EIF4G3: variants seen among roughly 807,000 people sequenced by gnomAD.
EIF4G3 encodes eukaryotic translation initiation factor 4 gamma 3, also known as eIF-4-gamma 3.
In EIF4G3, 34 loss-of-function variants were observed where a neutral mutation model predicts 186.4. The ratio of observed to expected loss-of-function variants is 0.18; its 90% confidence interval spans 0.14 to 0.24. The LOEUF is 0.24. Ranked by LOEUF, EIF4G3 falls within the 10% of genes least tolerant of loss-of-function variation. The pLI is 1.00. For missense variants in EIF4G3, 1,536 were observed against 1,948.5 expected (o/e 0.79, Z 3.99); for synonymous variants, 673 against 679.5 (o/e 0.99, Z 0.15).
intron 7 of EIF4G3, among the ~76,000 whole-genome samples, chr1:20,984,162 A>T (rs2078897077): frequency 6.6e-6 from 1 of 151,540 alleles, no homozygotes; most frequent in Admixed American, 6.6e-5. Context: ...TGATATACTA[A>T]TTTTTTTTTC....
chr1:20,917,863 G>A lies in EIF4G3; in HGVS notation c.1664-12892C>T, dbSNP rs891254189. ...ATCTATTACACAACTATCAAAATAC[G>A]ATAATGTATGTTTACTGACATAAAA... is the stretch of plus-strand genomic sequence containing the variant. On this transcript the variant is annotated intron_variant, in intron 14 of 36. Coordinates refer to ENST00000602326, the MANE Select transcript of EIF4G3 (RefSeq NM_001391906.1). 4.6e-5 allele frequency among the ~76,000 whole-genome samples: 7 copies of A among 151,968 alleles called. No homozygotes were observed. In the South Asian group the frequency reaches 6.2e-4, roughly 14 times the overall value.
At chr1:21,098,575 A>G in intron 2 of EIF4G3, among the ~76,000 whole-genome samples, 1 of 151,258 alleles carries the variant, frequency 6.6e-6, no homozygotes, top group African/African-American at 2.4e-5. Flanking sequence ...AAGAAGAAGA[A>G]GAAGAAGAAA....
intron 4 of EIF4G3, among the ~76,000 whole-genome samples, chr1:21,036,622 G>C (rs12145514): frequency 6.6e-5 from 10 of 151,986 alleles, no homozygotes; most frequent in African/African-American, 2.4e-4. Context: ...GCTCACACCT[G>C]TAATCCCAAC....
At chr1:21,128,541 A>G (rs1028751267) in intron 2 of EIF4G3, among the ~76,000 whole-genome samples, 2 of 152,140 alleles carry the variant, frequency 1.3e-5, no homozygotes, top group South Asian at 4.1e-4. Flanking sequence ...AACATTGTCA[A>G]TTATATAACT....
At chr1:20,942,847 T>C (rs1013322675) in intron 13 of EIF4G3, among the ~76,000 whole-genome samples, 1 of 152,206 alleles carries the variant, frequency 6.6e-6, no homozygotes, top group Non-Finnish European at 1.5e-5. Flanking sequence ...AAAGTATTAC[T>C]TGTATAAAAA....
intron 35 of EIF4G3, among the ~76,000 whole-genome samples, chr1:20,812,737 T>C (rs2059504227): frequency 6.6e-6 from 1 of 152,210 alleles, no homozygotes; most frequent in Non-Finnish European, 1.5e-5. Context: ...AAACTGTTGA[T>C]ATTTTTTTCT....
chr1:20,888,710 C>A (rs16824804), intron 18 of EIF4G3, among the ~76,000 whole-genome samples: 16,692 of 152,036 alleles, frequency 0.11, 1,197 homozygotes, highest in East Asian at 0.33. Context: ...AGGATATAAA[C>A]CATGTAAAAG....
At chr1:21,116,229 A>G (rs1045508806) in intron 2 of EIF4G3, among the ~76,000 whole-genome samples, 18 of 152,334 alleles carry the variant, frequency 1.2e-4, no homozygotes, top group African/African-American at 3.8e-4. Context: ...CATATCTGAA[A>G]TAAATTTTCA....
intron 10 of EIF4G3, among the ~76,000 whole-genome samples, chr1:20,976,223 C>G (rs542871436): frequency 1.3e-5 from 2 of 151,384 alleles, no homozygotes; most frequent in Admixed American, 1.3e-4. Context: ...ATGTGCACAA[C>G]GTGCAGGTTA....
intron 12 of EIF4G3, among the ~76,000 whole-genome samples, chr1:20,952,032 T>G (rs2096244324): frequency 6.6e-6 from 1 of 152,216 alleles, no homozygotes. Flanking sequence ...GGGAAAGTAC[T>G]TCTCAGGTCT....
chr1:21,032,318 G>A (rs908612769), intron 4 of EIF4G3, among the ~76,000 whole-genome samples: 1 of 152,122 alleles, frequency 6.6e-6, no homozygotes, highest in South Asian at 2.1e-4. Context: ...CATTCCTCAT[G>A]ACACTGCTCA....
At chr1:21,010,211 T>C (rs2086578701) in intron 4 of EIF4G3, among the ~76,000 whole-genome samples, 1 of 151,814 alleles carries the variant, frequency 6.6e-6, no homozygotes. Flanking sequence ...CTTTGGAAAG[T>C]TAAGGCAGGC....
chr1:21,165,172 A>G, intron 2 of EIF4G3, among the ~76,000 whole-genome samples: 1 of 152,316 alleles, frequency 6.6e-6, no homozygotes, highest in Admixed American at 6.5e-5. Context: ...CAAAAAGACA[A>G]ATAATGACAG....
chr1:20,899,685 G>A lies in EIF4G3; in HGVS notation c.1999+12C>T. ...GATAAAGAGGTACATAGGAAGGCAG[G>A]TATAAACTTACCTGGTTTAAATGGA... is the stretch of plus-strand genomic sequence containing the variant. On this transcript the variant is annotated intron_variant, in intron 16 of 36. Coordinates refer to ENST00000602326, the MANE Select transcript of EIF4G3 (RefSeq NM_001391906.1). 6.2e-7 allele frequency: 1 copy of A among 1,613,896 alleles called. No individual in the cohort carries two copies. The highest frequency in any genetic ancestry group is 1.1e-5 in the South Asian group (1 of 91,062).
intron 29 of EIF4G3, among the ~76,000 whole-genome samples, chr1:20,845,798 T>C (rs190067209): frequency 1.3e-5 from 2 of 152,300 alleles, no homozygotes; most frequent in African/African-American, 4.8e-5. Flanking sequence ...CTTTTTTTGG[T>C]TCCATATGAA....
rs1194008007 is a variant in EIF4G3 at position 20,825,142 on chromosome 1, A to T, written c.4326T>A (p.Phe1442Leu). 1 of 1,613,490 alleles carries T rather than the reference A, an allele frequency of 6.2e-7. No individual in the cohort carries two copies. ...TATGTACATCTTCTCCTTCTGGTAA[A>T]AAGTCCTTCCAGCTGAGGTCAGCCT... ...WREADLSWKD[F>L]LPEGEDVHNF... Residue 1442 changes from phenylalanine (F) to leucine (L), a missense_variant, in exon 33 of 37, where the codon TTT becomes TTA. Physicochemically the swap from Phe to Leu is conservative, Grantham distance 22. Around this residue, in one of 11 missense-constraint regions of EIF4G3, gnomAD observed 395 missense variants for 498.9 expected, o/e 0.79. Transcript: ENST00000602326.
chr1:21,032,143 T>C (rs1482536490), intron 4 of EIF4G3, among the ~76,000 whole-genome samples: 1 of 152,226 alleles, frequency 6.6e-6, no homozygotes, highest in African/African-American at 2.4e-5. Flanking sequence ...TTTTAAATCA[T>C]TTCCAACTTT....
chr1:20,890,381 T>C (rs1019060848), intron 18 of EIF4G3, among the ~76,000 whole-genome samples: 3 of 152,198 alleles, frequency 2.0e-5, no homozygotes, highest in Non-Finnish European at 4.4e-5. Context: ...GAAAAAGTTA[T>C]TTGAAGTATG....
intron 3 of EIF4G3, among the ~76,000 whole-genome samples, chr1:21,080,199 T>C (rs940291887): frequency 6.6e-6 from 1 of 150,512 alleles, no homozygotes; most frequent in Non-Finnish European, 1.5e-5. Flanking sequence ...CCTGTAGTCC[T>C]AGCTACTTGG....
Sources: allele counts gnomAD v4.1 joint callset (sites outside exome capture counted in the v4.1 genomes callset), GRCh38; gene constraint gnomAD v4.1.1; regional missense constraint gnomAD v4.1.1; transcripts MANE v1.5; gene names NCBI Gene and HGNC (gene_info 2026-07-23, HGNC 2026-07-21).